Variants in CDH20 observed in about 807,000 individuals in gnomAD.
The protein encoded by CDH20 is cadherin 20, also known as cadherin-20.
A neutral mutation model predicts 74.2 loss-of-function variants in CDH20; 29 were observed. The ratio of observed to expected loss-of-function variants is 0.39; its 90% confidence interval spans 0.29 to 0.53. The LOEUF is 0.53. CDH20 is among the 20% of genes least tolerant of loss of function. The pLI, the probability that CDH20 is intolerant of heterozygous loss-of-function variation, is 0.69. For missense variants in CDH20, 988 were observed against 1,048.3 expected (o/e 0.94, Z 0.79); for synonymous variants, 469 against 405.4 (o/e 1.16, Z -1.88).
At chr18:61,435,117 C>T (rs1908788966) in intron 1 of CDH20, among the ~76,000 whole-genome samples, 1 of 152,100 alleles carries the variant, frequency 6.6e-6, no homozygotes, top group Admixed American at 6.5e-5. Flanking sequence ...TGTCCTTTTT[C>T]TACAGATCAG....
At chr18:61,346,487 GA>G (rs920386330) in intron 1 of CDH20, among the ~76,000 whole-genome samples, 9 of 151,920 alleles carry the variant, frequency 5.9e-5, no homozygotes, top group Admixed American at 5.2e-4. Flanking sequence ...AAGGAGCTTA[GA>G]AAAAAAATTG....
chr18:61,418,248 A>G (rs1912756608), intron 1 of CDH20, among the ~76,000 whole-genome samples: 1 of 151,994 alleles, frequency 6.6e-6, no homozygotes, highest in South Asian at 2.1e-4. Context: ...TCCATTTTAA[A>G]ACATTTCTAA....
chr18:61,513,869 G>A lies in CDH20; in HGVS notation c.1017+6309G>A, dbSNP rs571143223. Among the ~76,000 whole-genome samples, 1,429 of 152,114 alleles carry A rather than the reference G, an allele frequency of 9.4e-3. 26 individuals carry two copies. Among genetic ancestry groups the A allele is most frequent in the African/African-American group, 0.032 (1,320 of 41,480 alleles). On this transcript the variant is annotated intron_variant, in intron 6 of 11. Transcript: ENST00000262717. ...TTGTAGGGTTTCTGCCGAGAGATCCGCTATTAGTCTGATGGGCTTCCCTTT... is the reference window on the plus strand; with the variant it reads ...TTGTAGGGTTTCTGCCGAGAGATCCACTATTAGTCTGATGGGCTTCCCTTT...
intron 6 of CDH20, among the ~76,000 whole-genome samples, chr18:61,516,315 T>C (rs1463196169): frequency 6.6e-6 from 1 of 152,246 alleles, no homozygotes; most frequent in Non-Finnish European, 1.5e-5. Flanking sequence ...GTTTCTGGTT[T>C]TGCTAGGCAG....
intron 1 of CDH20, among the ~76,000 whole-genome samples, chr18:61,398,665 G>T (rs1012580874): frequency 1.3e-5 from 2 of 152,132 alleles, no homozygotes; most frequent in African/African-American, 4.8e-5. Context: ...AGGCCTTCTT[G>T]TGTTATCATT....
intron 11 of CDH20, among the ~76,000 whole-genome samples, chr18:61,552,971 C>T (rs779106797): frequency 6.6e-6 from 1 of 152,108 alleles, no homozygotes; most frequent in Non-Finnish European, 1.5e-5. Context: ...GTCCACGCCT[C>T]GTATTTTTGC....
At chr18:61,541,751 G>A (rs1193372282) in intron 9 of CDH20, among the ~76,000 whole-genome samples, 1 of 152,158 alleles carries the variant, frequency 6.6e-6, no homozygotes, top group Non-Finnish European at 1.5e-5. Context: ...ACTGTCCTCA[G>A]CTTCACATCT....
At chr18:61,436,336 C>A (rs1452413651) in intron 1 of CDH20, among the ~76,000 whole-genome samples, 10 of 151,638 alleles carry the variant, frequency 6.6e-5, no homozygotes, top group African/African-American at 2.4e-4. Context: ...GAGAAACCAC[C>A]ATACTGTTTT....
intron 6 of CDH20, among the ~76,000 whole-genome samples, chr18:61,525,271 AT>A (rs1401365830): frequency 6.6e-6 from 1 of 152,212 alleles, no homozygotes. Context: ...TAAATATCTT[AT>A]TTTTTAAAAC....
chr18:61,377,577 T>C (rs1480931864), intron 1 of CDH20, among the ~76,000 whole-genome samples: 1 of 152,004 alleles, frequency 6.6e-6, no homozygotes, highest in Non-Finnish European at 1.5e-5. Flanking sequence ...TTCAGAAATA[T>C]ATTTTATTTC....
intron 8 of CDH20, among the ~76,000 whole-genome samples, chr18:61,538,592 G>GGT (rs1912897706): frequency 3.8e-5 from 2 of 52,890 alleles, no homozygotes; most frequent in African/African-American, 5.7e-5. Context: ...TTGTTTGTTT[G>GGT]TTTGTTTTTG....
chr18:61,344,678 G>A (rs1481076683), intron 1 of CDH20, among the ~76,000 whole-genome samples: 8 of 152,038 alleles, frequency 5.3e-5, no homozygotes, highest in African/African-American at 1.9e-4. Flanking sequence ...AGCAAAATAA[G>A]GTTTTTAGGG....
At chr18:61,537,004 C>T (rs546629003) in intron 8 of CDH20, among the ~76,000 whole-genome samples, 1 of 152,232 alleles carries the variant, frequency 6.6e-6, no homozygotes, top group Admixed American at 6.5e-5. Context: ...TAACATATCA[C>T]TCTTATTATA....
rs140572731 is a variant in CDH20, at chr18:61,422,938, C to T, written c.-152-67464C>T. Among the ~76,000 whole-genome samples the T allele has an allele frequency of 3.9e-3, 588 of 152,060 alleles. 3 individuals carry two copies. The highest frequency in any genetic ancestry group is 0.01 in the Middle Eastern group (3 of 294). Reference sequence around the variant, plus strand: ...ATTTTGCTTTTGACTATGTTTATAACGGAATTCTCTTTTACACAGAGAGCG... The same window carrying T: ...ATTTTGCTTTTGACTATGTTTATAATGGAATTCTCTTTTACACAGAGAGCG... On this transcript the variant is annotated intron_variant, in intron 1 of 11. Coordinates refer to ENST00000262717, the MANE Select transcript of CDH20 (RefSeq NM_031891.4).
intron 1 of CDH20, among the ~76,000 whole-genome samples, chr18:61,393,472 T>C (rs999792574): frequency 2.0e-5 from 3 of 152,196 alleles, no homozygotes; most frequent in African/African-American, 7.2e-5. Flanking sequence ...TTACCTCACT[T>C]AAGAAGGTGA....
At chr18:61,482,228 T>C (rs1599115224) in intron 1 of CDH20, among the ~76,000 whole-genome samples, 1 of 152,294 alleles carries the variant, frequency 6.6e-6, no homozygotes, top group Non-Finnish European at 1.5e-5. Flanking sequence ...AGTTCCTGCC[T>C]CTTTAAATAA....
chr18:61,442,595 T>G lies in CDH20; in HGVS notation c.-152-47807T>G, dbSNP rs946817864. Among the ~76,000 whole-genome samples the G allele has an allele frequency of 9.2e-5, 14 of 152,102 alleles. No individual in the cohort carries two copies. The East Asian group carries it at 2.7e-3, about 29-fold the overall frequency. On this transcript the variant is annotated intron_variant, in intron 1 of 11. Transcript: ENST00000262717. Reference sequence around the variant, plus strand: ...GAATACAATTAAGGCTTCAAACCAATGGGAAAATGGCATCAAAAAGACTCT... The same window carrying G: ...GAATACAATTAAGGCTTCAAACCAAGGGGAAAATGGCATCAAAAAGACTCT...
intron 6 of CDH20, among the ~76,000 whole-genome samples, chr18:61,525,389 A>G (rs1285728279): frequency 6.6e-6 from 1 of 152,212 alleles, no homozygotes; most frequent in Non-Finnish European, 1.5e-5. Context: ...CTGTGTTACA[A>G]ATACATAAAG....
At chr18:61,407,743 G>C (rs757191669) in intron 1 of CDH20, among the ~76,000 whole-genome samples, 2 of 152,112 alleles carry the variant, frequency 1.3e-5, no homozygotes, top group African/African-American at 4.8e-5. Flanking sequence ...CCTAAATTGG[G>C]GAACATTCTA....
Sources: allele counts gnomAD v4.1 joint callset (sites outside exome capture counted in the v4.1 genomes callset), GRCh38; gene constraint gnomAD v4.1.1; transcripts MANE v1.5; gene names NCBI Gene and HGNC (gene_info 2026-07-23, HGNC 2026-07-21).